SLC35F1: variants seen among roughly 807,000 people sequenced by gnomAD.
The protein encoded by SLC35F1 is chromosome 6 open reading frame 169.
SLC35F1 carries 14 observed loss-of-function variants against 48.7 expected under a neutral mutation model. That is an observed-to-expected ratio of 0.29 (90% confidence interval 0.19 to 0.45). The LOEUF is 0.45. Ranked by LOEUF, SLC35F1 falls within the 20% of genes least tolerant of loss-of-function variation. The probability of loss-of-function intolerance (pLI) is 1.00; values close to 1 mark genes in which losing one functional copy is unlikely to be tolerated. For synonymous variants in SLC35F1, 190 were observed against 202.2 expected (o/e 0.94, Z 0.51); for missense variants, 404 against 500.0 (o/e 0.81, Z 1.83).
chr6:118,270,925 G>T (rs545636267), intron 4 of SLC35F1, among the ~76,000 whole-genome samples: 1 of 152,156 alleles, frequency 6.6e-6, no homozygotes, highest in South Asian at 2.1e-4. Context: ...ATAGCTCCTT[G>T]TTATGAAATA....
chr6:118,111,284 C>G (rs1008840668), intron 1 of SLC35F1, among the ~76,000 whole-genome samples: 1 of 152,118 alleles, frequency 6.6e-6, no homozygotes, highest in Non-Finnish European at 1.5e-5. Flanking sequence ...ATCTACACCC[C>G]TGTATATCAT....
intron 2 of SLC35F1, among the ~76,000 whole-genome samples, chr6:118,223,688 C>T (rs1227115957): frequency 6.6e-6 from 1 of 152,208 alleles, no homozygotes; most frequent in Non-Finnish European, 1.5e-5. Flanking sequence ...GGAGAAGAGG[C>T]CAGCCAGCTT....
intron 1 of SLC35F1, among the ~76,000 whole-genome samples, chr6:117,991,199 T>C (rs79442658): frequency 0.018 from 2,721 of 152,290 alleles, 32 homozygotes; most frequent in East Asian, 0.032. Context: ...CTAAATTGCA[T>C]AGTAAATGTA....
intron 1 of SLC35F1, among the ~76,000 whole-genome samples, chr6:118,120,037 T>C (rs193148164): frequency 5.1e-4 from 77 of 152,284 alleles, no homozygotes; most frequent in Admixed American, 9.2e-4. Flanking sequence ...CTGGGCTGAT[T>C]TGACTACCAA....
chr6:118,034,458 T>C (rs762149321), intron 1 of SLC35F1, among the ~76,000 whole-genome samples: 1 of 152,018 alleles, frequency 6.6e-6, no homozygotes, highest in African/African-American at 2.4e-5. Flanking sequence ...TTCAGGAGGC[T>C]GAGGAAGAAG....
intron 1 of SLC35F1, among the ~76,000 whole-genome samples, chr6:118,127,198 T>G (rs1773639409): frequency 6.6e-6 from 1 of 151,866 alleles, no homozygotes; most frequent in Non-Finnish European, 1.5e-5. Flanking sequence ...GAAGGGTTGT[T>G]GAATTTTGTC....
intron 4 of SLC35F1, among the ~76,000 whole-genome samples, chr6:118,273,634 A>G (rs530469035): frequency 6.6e-6 from 1 of 152,346 alleles, no homozygotes; most frequent in Non-Finnish European, 1.5e-5. Flanking sequence ...CACATAAAAA[A>G]GATTAATCAG....
intron 2 of SLC35F1, among the ~76,000 whole-genome samples, chr6:118,207,284 A>G (rs1774947502): frequency 6.6e-6 from 1 of 152,260 alleles, no homozygotes; most frequent in East Asian, 1.9e-4. Flanking sequence ...AGGCATATTT[A>G]AAATAAATTA....
intron 1 of SLC35F1, among the ~76,000 whole-genome samples, chr6:118,086,798 G>A (rs892024721): frequency 3.9e-5 from 6 of 152,024 alleles, no homozygotes; most frequent in African/African-American, 1.4e-4. Flanking sequence ...TCCTCATTTT[G>A]TACTTGTCCT....
intron 3 of SLC35F1, among the ~76,000 whole-genome samples, chr6:118,250,437 A>G (rs992801764): frequency 6.6e-6 from 1 of 152,220 alleles, no homozygotes; most frequent in African/African-American, 2.4e-5. Flanking sequence ...GTACCACCCT[A>G]GCTGCAGAAG....
At chr6:118,013,897 C>T (rs1777285256) in intron 1 of SLC35F1, among the ~76,000 whole-genome samples, 4 of 152,010 alleles carry the variant, frequency 2.6e-5, no homozygotes, top group Admixed American at 2.6e-4. Context: ...GCTGTGTGCA[C>T]AATAGTTAAT....
chr6:118,065,052 A>G (rs1460183282), intron 1 of SLC35F1, among the ~76,000 whole-genome samples: 2 of 152,178 alleles, frequency 1.3e-5, no homozygotes, highest in Non-Finnish European at 2.9e-5. Flanking sequence ...TCTGGAGAAG[A>G]ATCCTAAATT....
intron 2 of SLC35F1, among the ~76,000 whole-genome samples, chr6:118,219,911 C>T (rs978617150): frequency 2.0e-5 from 3 of 152,020 alleles, no homozygotes; most frequent in South Asian, 2.1e-4. Flanking sequence ...AGCAAACTAT[C>T]GCAGGGACAG....
rs1166380582 is a variant in SLC35F1 at position 118,112,070 on chromosome 6, T to TTTCTTTCTTTCTC, written c.174-42373_174-42372insCTTTCTTTCTCTT. On this transcript the variant is annotated intron_variant, in intron 1 of 7. Transcript: ENST00000360388. ...CAAAGGCCTTTCTTTCTTTCTTTCTTTTTCTTTATTTCTTTCTTTTCTTTT... is the reference window on the plus strand; with the variant it reads ...CAAAGGCCTTTCTTTCTTTCTTTCTTTTCTTTCTTTCTCTTTCTTTATTTCTTTCTTTTCTTTT... Among the ~76,000 whole-genome samples, 293 of 147,068 alleles carry TTTCTTTCTTTCTC rather than the reference T, an allele frequency of 2.0e-3. 2 individuals carry two copies. Among genetic ancestry groups the TTTCTTTCTTTCTC allele is most frequent in the African/African-American group, 7.3e-3 (278 of 38,020 alleles).
intron 1 of SLC35F1, among the ~76,000 whole-genome samples, chr6:117,985,417 T>C (rs1258851658): frequency 6.6e-6 from 1 of 152,236 alleles, no homozygotes; most frequent in African/African-American, 2.4e-5. Context: ...AATGGGCACA[T>C]GGAGGGAGAA....
Position 117,932,974 on chromosome 6 carries a change from T to A in SLC35F1, c.173+25075T>A, listed in dbSNP as rs111436061. 7.2e-3 allele frequency among the ~76,000 whole-genome samples: 1,095 copies of A among 152,326 alleles called. 15 individuals carry two copies. The highest frequency in any genetic ancestry group is 0.025 in the African/African-American group (1,037 of 41,566). ...GTGATAACAAAACAAGTTTCTTACG[T>A]TGATTTTACTAAAACTGTAAGGATA... On this transcript the variant is annotated intron_variant, in intron 1 of 7. Coordinates refer to ENST00000360388, the MANE Select transcript of SLC35F1 (RefSeq NM_001029858.4).
At chr6:117,923,745 ATG>A (rs1775966950) in intron 1 of SLC35F1, among the ~76,000 whole-genome samples, 2 of 66,528 alleles carry the variant, frequency 3.0e-5, no homozygotes, top group Non-Finnish European at 7.3e-5. Flanking sequence ...ATATACATAT[ATG>A]TACATATATA....
chr6:118,052,706 A>C (rs574144163), intron 1 of SLC35F1, among the ~76,000 whole-genome samples: 7 of 152,290 alleles, frequency 4.6e-5, no homozygotes, highest in African/African-American at 1.7e-4. Flanking sequence ...TTTTTTCCTA[A>C]ATTAAGAGAA....
chr6:118,091,435 GGGCA>G (rs1773071638), intron 1 of SLC35F1, among the ~76,000 whole-genome samples: 1 of 152,158 alleles, frequency 6.6e-6, no homozygotes, highest in African/African-American at 2.4e-5. Flanking sequence ...GTTTTATGAA[GGGCA>G]GTTCCCCTGC....
Sources: allele counts gnomAD v4.1 joint callset (sites outside exome capture counted in the v4.1 genomes callset), GRCh38; gene constraint gnomAD v4.1.1; transcripts MANE v1.5; gene names NCBI Gene and HGNC (gene_info 2026-07-23, HGNC 2026-07-21).